BBOX1: variants seen among roughly 807,000 people sequenced by gnomAD.
The protein encoded by BBOX1 is gamma-butyrobetaine hydroxylase 1, also known as gamma-butyrobetaine dioxygenase.
In BBOX1, 35 loss-of-function variants were observed where a neutral mutation model predicts 41.6. The ratio of observed to expected loss-of-function variants is 0.84; its 90% CI spans 0.64 to 1.11. The LOEUF (loss-of-function observed/expected upper bound fraction) is 1.11. Ranked by LOEUF, BBOX1 falls within the 50% of genes most tolerant of loss-of-function variation. The pLI, the probability that BBOX1 is intolerant of heterozygous loss-of-function variation, is 0.00. For synonymous variants in BBOX1, 163 were observed against 154.7 expected, an observed-to-expected ratio of 1.05 and a Z score of -0.40; for missense variants, 458 against 460.6, an observed-to-expected ratio of 0.99 and a Z score of 0.05.
At position 27,055,399 on chromosome 11, in the gene BBOX1, G is replaced by A; in HGVS notation, c.-32G>A. ...TAACACTGATTTGTCATAGCAGGTA[G>A]CTGACAGCATCTACTCCTGAAGACC... On this transcript the variant is annotated 5_prime_UTR_variant, in exon 3 of 9. Coordinates refer to ENST00000263182, the MANE Select transcript of BBOX1 (RefSeq NM_003986.3). 1 of 1,598,964 alleles carries A rather than the reference G, an allele frequency of 6.3e-7. No individual in the cohort carries two copies. The highest frequency in any genetic ancestry group is 8.6e-7 in the Non-Finnish European group (1 of 1,168,462).
rs191899714 is a variant in BBOX1 at position 27,061,603 on chromosome 11, T to C, written c.334+4288T>C. 1.9e-3 allele frequency among the ~76,000 whole-genome samples: 287 copies of C among 152,318 alleles called. 5 individuals carry two copies. Among genetic ancestry groups the C allele is most frequent in the Admixed American group, 0.017 (266 of 15,304 alleles). On this transcript the variant is annotated intron_variant, in intron 4 of 8. Transcript: ENST00000263182. ...ACATTTGTGAAAGGATTTTGTTTTT[T>C]AGTCCCAGTAGTAATGTTTTCTCTT...
intron 2 of BBOX1, among the ~76,000 whole-genome samples, chr11:27,048,843 C>A (rs1307271302): frequency 1.3e-5 from 2 of 149,256 alleles, no homozygotes; most frequent in Non-Finnish European, 3.0e-5. Context: ...GTGCGCTGCA[C>A]CCACTAACTC....
At chr11:27,120,420 A>G (rs1218369528) in intron 7 of BBOX1, among the ~76,000 whole-genome samples, 1 of 152,044 alleles carries the variant, frequency 6.6e-6, no homozygotes, top group Non-Finnish European at 1.5e-5. Flanking sequence ...TGGGTTAGAG[A>G]ATTCTGATTG....
At chr11:27,108,725 A>T (rs998312653) in intron 5 of BBOX1, among the ~76,000 whole-genome samples, 16 of 152,058 alleles carry the variant, frequency 1.1e-4, no homozygotes, top group Admixed American at 9.8e-4. Flanking sequence ...TTAGTGAAAG[A>T]TATATCAAGT....
intron 4 of BBOX1, among the ~76,000 whole-genome samples, chr11:27,086,812 G>A (rs972050151): frequency 3.3e-5 from 5 of 152,028 alleles, no homozygotes; most frequent in African/African-American, 9.7e-5. Flanking sequence ...TATTATGAAC[G>A]TTTTTGATTC....
At chr11:27,044,995 A>G (rs1851448882) in intron 2 of BBOX1, among the ~76,000 whole-genome samples, 1 of 152,192 alleles carries the variant, frequency 6.6e-6, no homozygotes, top group Admixed American at 6.5e-5. Flanking sequence ...TGGGGATAGC[A>G]TTGAATCTAT....
chr11:27,060,727 C>T (rs1307583916), intron 4 of BBOX1, among the ~76,000 whole-genome samples: 2 of 152,172 alleles, frequency 1.3e-5, no homozygotes, highest in Non-Finnish European at 2.9e-5. Flanking sequence ...ATACTGTCCC[C>T]TTTCTCTTTA....
chr11:27,049,849 T>C (rs1457955238), intron 2 of BBOX1, among the ~76,000 whole-genome samples: 2 of 152,170 alleles, frequency 1.3e-5, no homozygotes, highest in South Asian at 4.1e-4. Flanking sequence ...TGTGCAGGGA[T>C]TTAATTCAAT....
chr11:27,067,957 T>C (rs189758297), intron 4 of BBOX1, among the ~76,000 whole-genome samples: 42 of 152,188 alleles, frequency 2.8e-4, no homozygotes, highest in African/African-American at 8.9e-4. Flanking sequence ...GTATATACCA[T>C]ATTTTCTTTA....
intron 7 of BBOX1, among the ~76,000 whole-genome samples, chr11:27,122,046 G>T (rs973668239): frequency 2.6e-5 from 4 of 152,154 alleles, no homozygotes; most frequent in African/African-American, 7.2e-5. Context: ...AACAGGAAAT[G>T]AAACAGAGCG....
chr11:27,122,139 G>A (rs1859485831), intron 7 of BBOX1, among the ~76,000 whole-genome samples: 1 of 152,070 alleles, frequency 6.6e-6, no homozygotes, highest in African/African-American at 2.4e-5. Flanking sequence ...AAATTTTTAT[G>A]TCCTAGTACA....
intron 5 of BBOX1, among the ~76,000 whole-genome samples, chr11:27,104,605 T>C (rs1858793098): frequency 6.6e-6 from 1 of 152,172 alleles, no homozygotes; most frequent in African/African-American, 2.4e-5. Flanking sequence ...CTATTCTAGA[T>C]ATCGGAAAGG....
intron 5 of BBOX1, among the ~76,000 whole-genome samples, chr11:27,106,043 A>G (rs916409740): frequency 8.5e-5 from 13 of 152,192 alleles, no homozygotes; most frequent in Admixed American, 3.9e-4. Context: ...GCAAATGCTG[A>G]GAGATTTTGT....
chr11:27,113,429 TA>T (rs1859148721), intron 5 of BBOX1, among the ~76,000 whole-genome samples: 2 of 151,852 alleles, frequency 1.3e-5, no homozygotes, highest in South Asian at 4.1e-4. Flanking sequence ...ATATAATGAA[TA>T]AAGAAAATAT....
chr11:27,046,609 A>G (rs2133943586), intron 2 of BBOX1, among the ~76,000 whole-genome samples: 1 of 152,328 alleles, frequency 6.6e-6, no homozygotes, highest in East Asian at 1.9e-4. Context: ...TTACAATTGT[A>G]AGAAGAAAAA....
chr11:27,099,980 A>G (rs953497796), intron 5 of BBOX1, among the ~76,000 whole-genome samples: 5 of 152,174 alleles, frequency 3.3e-5, no homozygotes, highest in Admixed American at 6.5e-5. Context: ...CAGCCAGACC[A>G]GTTAAGGATT....
intron 6 of BBOX1, among the ~76,000 whole-genome samples, chr11:27,116,801 A>T (rs567262457): frequency 6.6e-6 from 1 of 152,150 alleles, no homozygotes; most frequent in South Asian, 2.1e-4. Context: ...GAAGTAATAA[A>T]TCTAGCCCAC....
chr11:27,080,942 T>G (rs1451368750), intron 4 of BBOX1, among the ~76,000 whole-genome samples: 2 of 152,138 alleles, frequency 1.3e-5, no homozygotes, highest in African/African-American at 4.8e-5. Context: ...TCTTGATAGA[T>G]ATTATCTCAT....
chr11:27,074,117 T>C (rs997064538), intron 4 of BBOX1, among the ~76,000 whole-genome samples: 2 of 151,998 alleles, frequency 1.3e-5, no homozygotes, highest in Non-Finnish European at 2.9e-5. Flanking sequence ...TGACACCATG[T>C]GAAAAAGATG....
Sources: gnomAD v4.1 joint callset for allele counts (sites outside exome capture counted in the v4.1 genomes callset) on GRCh38, gnomAD v4.1.1 for gene constraint, MANE v1.5 for transcripts, NCBI Gene and HGNC (gene_info 2026-07-23, HGNC 2026-07-21) for gene names.